CSMD1: variants seen among roughly 807,000 people sequenced by gnomAD.
CSMD1 encodes the protein CUB and Sushi multiple domains 1, also known as CUB and sushi domain-containing protein 1.
CSMD1 carries 213 observed loss-of-function variants against 417.5 expected under a neutral mutation model. The observed-to-expected ratio is 0.51, with a 90% confidence interval of 0.46 to 0.57. The LOEUF (loss-of-function observed/expected upper bound fraction) is 0.57. Among genes scored for constraint, CSMD1 ranks in the 20% least tolerant of loss-of-function variants. CSMD1 has a pLI of 0.00. For missense variants in CSMD1, 6,923 were observed against 4,529.7 expected, an observed-to-expected ratio of 1.53 and a Z score of -15.17; for synonymous variants, 2,862 against 1,736.8, an observed-to-expected ratio of 1.65 and a Z score of -16.11.
chr8:3,759,553 G>A (rs1797870815), intron 5 of CSMD1, among the ~76,000 whole-genome samples: 1 of 151,856 alleles, frequency 6.6e-6, no homozygotes, highest in East Asian at 1.9e-4. Flanking sequence ...GGCAAATGGT[G>A]GAAAATGGGC....
chr8:3,305,654 G>C (rs1325768508), intron 25 of CSMD1, among the ~76,000 whole-genome samples: 1 of 152,090 alleles, frequency 6.6e-6, no homozygotes, highest in Non-Finnish European at 1.5e-5. Flanking sequence ...GAACTGTTAA[G>C]AAACTAAACT....
chr8:3,400,522 C>A (rs1017173897), intron 15 of CSMD1, among the ~76,000 whole-genome samples: 4 of 151,766 alleles, frequency 2.6e-5, no homozygotes, highest in African/African-American at 9.7e-5. Context: ...TCTTAATTTA[C>A]GTCAGGAAAC....
rs367759145 is a variant in CSMD1, at chr8:3,308,828, A to C, written c.3632-325T>G. Among the ~76,000 whole-genome samples, 116 of 143,088 alleles carry C rather than the reference A, an allele frequency of 8.1e-4. 1 individual carries two copies. Among genetic ancestry groups the C allele is most frequent in the African/African-American group, 3.0e-3 (114 of 38,344 alleles). The allele number at this position is 143,088 out of a possible 152,430, so 93.9% of individuals were successfully genotyped here. ...AACCTCCACCTCCCAGGTTCAAGTGATTCTCCTGCCTCAGCCTCCCAGGTA... is the reference window on the plus strand; with the variant it reads ...AACCTCCACCTCCCAGGTTCAAGTGCTTCTCCTGCCTCAGCCTCCCAGGTA... On this transcript the variant is annotated intron_variant, in intron 23 of 69. Coordinates refer to ENST00000635120, the MANE Select transcript of CSMD1 (RefSeq NM_033225.6).
chr8:4,125,309 A>G (rs1453434303), intron 3 of CSMD1, among the ~76,000 whole-genome samples: 1 of 152,166 alleles, frequency 6.6e-6, no homozygotes, highest in African/African-American at 2.4e-5. Flanking sequence ...GCTTCTTTGG[A>G]AAAGCTAATT....
chr8:4,989,950 C>T (rs1181917804), intron 1 of CSMD1, among the ~76,000 whole-genome samples: 1 of 152,214 alleles, frequency 6.6e-6, no homozygotes, highest in Admixed American at 6.5e-5. Flanking sequence ...GGAGGAGCTG[C>T]TTTCGCCTGT....
At chr8:4,837,090 A>C (rs989539643) in intron 1 of CSMD1, among the ~76,000 whole-genome samples, 1 of 152,256 alleles carries the variant, frequency 6.6e-6, no homozygotes, top group Non-Finnish European at 1.5e-5. Flanking sequence ...GTGGTAATTA[A>C]TGAGGGCTTC....
chr8:3,560,429 G>T (rs932178758), intron 10 of CSMD1, among the ~76,000 whole-genome samples: 8 of 152,050 alleles, frequency 5.3e-5, no homozygotes, highest in Non-Finnish European at 1.0e-4. Flanking sequence ...CTGCAAAATG[G>T]GCAAAGTCAA....
At chr8:3,309,616 C>T (rs1036357397) in intron 23 of CSMD1, among the ~76,000 whole-genome samples, 1 of 146,908 alleles carries the variant, frequency 6.8e-6, no homozygotes, top group African/African-American at 2.4e-5. Context: ...CAAATTTTGA[C>T]AATTGTAAAA....
At chr8:3,186,962 G>C (rs903053680) in intron 36 of CSMD1, among the ~76,000 whole-genome samples, 4 of 152,294 alleles carry the variant, frequency 2.6e-5, no homozygotes, top group African/African-American at 9.6e-5. Flanking sequence ...GGCTGGTCTC[G>C]AACTACTGAC....
In CSMD1 at chr8:4,171,892, T is replaced by C. The variant is rs1010784130; in HGVS notation, c.416-139793A>G. 2.0e-5 allele frequency among the ~76,000 whole-genome samples: 3 copies of C among 152,312 alleles called. No individual in the cohort carries two copies. The East Asian group carries it at 5.8e-4, about 29-fold the overall frequency. On this transcript the variant is annotated intron_variant, in intron 3 of 69. Transcript: ENST00000635120. Reference sequence around the variant, plus strand: ...CTTACATCAAATACTTGAATGCAATTGTCTGCATGTTTTTACATAAATTAT... The same window carrying C: ...CTTACATCAAATACTTGAATGCAATCGTCTGCATGTTTTTACATAAATTAT...
chr8:3,502,543 G>A (rs765924919), intron 10 of CSMD1, among the ~76,000 whole-genome samples: 7 of 152,096 alleles, frequency 4.6e-5, no homozygotes, highest in Non-Finnish European at 8.8e-5. Context: ...AAGGAAATGA[G>A]CTGTCAAGCC....
intron 10 of CSMD1, among the ~76,000 whole-genome samples, chr8:3,533,361 G>A (rs1006543532): frequency 1.3e-5 from 2 of 152,056 alleles, no homozygotes; most frequent in South Asian, 4.2e-4. Context: ...TTACATAAGA[G>A]AACTTTATAC....
At chr8:4,510,578 TCCCTCCTC>T (rs556214146) in intron 2 of CSMD1, among the ~76,000 whole-genome samples, 203 of 149,238 alleles carry the variant, frequency 1.4e-3, no homozygotes, top group African/African-American at 2.2e-3. Context: ...CCTCTTCCCT[TCCCTCCTC>T]GCTTCCTTCC....
chr8:4,916,902 G>T (rs1806102162), intron 1 of CSMD1, among the ~76,000 whole-genome samples: 1 of 152,220 alleles, frequency 6.6e-6, no homozygotes, highest in Non-Finnish European at 1.5e-5. Context: ...GTTTTTGACT[G>T]GTGATGGATA....
intron 3 of CSMD1, among the ~76,000 whole-genome samples, chr8:4,307,311 C>A (rs1585200544): frequency 2.0e-5 from 3 of 152,264 alleles, no homozygotes; most frequent in Admixed American, 2.0e-4. Flanking sequence ...CTAGCACAGG[C>A]ATCACACATG....
intron 7 of CSMD1, among the ~76,000 whole-genome samples, chr8:3,681,253 C>G (rs1335177331): frequency 6.6e-6 from 1 of 152,206 alleles, no homozygotes; most frequent in Non-Finnish European, 1.5e-5. Flanking sequence ...CAAATCGTCC[C>G]TCTTTGCAGA....
chr8:4,437,702 A>C (rs979738395), intron 2 of CSMD1, among the ~76,000 whole-genome samples: 1 of 152,174 alleles, frequency 6.6e-6, no homozygotes, highest in South Asian at 2.1e-4. Flanking sequence ...GCATAGAATA[A>C]GATTCTACTA....
rs1448411349 is a variant in CSMD1 at position 3,811,826 on chromosome 8, G to T, written c.819-57784C>A. Reference sequence around the variant, plus strand: ...ACACTGCTTCAGCAACTTTAAGGGTGTTCATCTCCATTAGCCAACACATTT... The same window carrying T: ...ACACTGCTTCAGCAACTTTAAGGGTTTTCATCTCCATTAGCCAACACATTT... On this transcript the variant is annotated intron_variant, in intron 5 of 69. Transcript: ENST00000635120. Among the ~76,000 whole-genome samples the T allele has an allele frequency of 1.3e-5, 2 of 152,280 alleles. 1 individual carries two copies. The highest frequency in any genetic ancestry group is 6.8e-3 in the Middle Eastern group (2 of 294).
intron 5 of CSMD1, among the ~76,000 whole-genome samples, chr8:3,939,454 A>T (rs531308906): frequency 6.6e-6 from 1 of 152,176 alleles, no homozygotes; most frequent in African/African-American, 2.4e-5. Context: ...CAGTACGGAG[A>T]TTCCTTAAAG....
Sources: gnomAD v4.1 joint callset for allele counts (sites outside exome capture counted in the v4.1 genomes callset) on GRCh38, gnomAD v4.1.1 for gene constraint, MANE v1.5 for transcripts, NCBI Gene and HGNC (gene_info 2026-07-23, HGNC 2026-07-21) for gene names.